Variants in SEC11A observed in about 807,000 individuals in gnomAD.
SEC11A encodes SEC11 homolog A, signal peptidase complex subunit.
In SEC11A, 14 loss-of-function variants were observed where a neutral mutation model predicts 25.6. That is an observed-to-expected ratio of 0.55 (90% CI 0.36 to 0.85). The LOEUF (loss-of-function observed/expected upper bound fraction) is 0.85. Ranked by LOEUF, SEC11A falls within the 40% of genes least tolerant of loss-of-function variation. The pLI is 0.01. For missense variants in SEC11A, 153 were observed against 222.9 expected (o/e 0.69, Z 2.00); for synonymous variants, 83 against 76.4 (o/e 1.09, Z -0.45).
intron 1 of SEC11A, among the ~76,000 whole-genome samples, chr15:84,715,283 A>G (rs1161574620): frequency 1.3e-5 from 2 of 152,242 alleles, no homozygotes; most frequent in Non-Finnish European, 2.9e-5. Flanking sequence ...ATAAAACAGA[A>G]CAACCTTTTC....
chr15:84,685,868 T>G (rs1344171958), intron 3 of SEC11A: 1 of 145,806 alleles, frequency 6.9e-6, no homozygotes, highest in Non-Finnish European at 1.5e-5. Context: ...AGTGGCGTGA[T>G]CTCAGCTCAC....
At chr15:84,670,302 T>C (rs1412080744) in intron 5 of SEC11A, 4 of 363,400 alleles carry the variant, frequency 1.1e-5, no homozygotes, top group Admixed American at 8.8e-5. Flanking sequence ...TCACCCAGGC[T>C]GGAGTGCAGC....
intron 1 of SEC11A, among the ~76,000 whole-genome samples, chr15:84,709,366 T>C (rs1173880019): frequency 6.6e-6 from 1 of 151,954 alleles, no homozygotes; most frequent in South Asian, 2.1e-4. Flanking sequence ...TAATTAAAAA[T>C]AGAATGTTTA....
chr15:84,707,335 G>A (rs1441470750), intron 1 of SEC11A, among the ~76,000 whole-genome samples: 2 of 151,770 alleles, frequency 1.3e-5, no homozygotes, highest in Non-Finnish European at 2.9e-5. Context: ...ACAGGCATGC[G>A]CCACCAGGCT....
chr15:84,685,327 G>A (rs1251359532), intron 3 of SEC11A, among the ~76,000 whole-genome samples: 3 of 151,418 alleles, frequency 2.0e-5, no homozygotes, highest in African/African-American at 2.4e-5. Context: ...GCATGATCTC[G>A]GCTCACTGCA....
chr15:84,700,600 A>C (rs1286940183), intron 1 of SEC11A, among the ~76,000 whole-genome samples: 1 of 19,338 alleles, frequency 5.2e-5, no homozygotes, highest in East Asian at 6.1e-4. Flanking sequence ...TCTCAAAAAA[A>C]AAAAAAAAAA....
chr15:84,679,374 C>T, intron 4 of SEC11A: 2 of 448,104 alleles, frequency 4.5e-6, no homozygotes, highest in Admixed American at 5.0e-5. Flanking sequence ...ATAACAACCA[C>T]AGCTCTGCAG....
At chr15:84,714,214 CCATGTTGGCCAGGATGGTCT>C (rs1898385531) in intron 1 of SEC11A, among the ~76,000 whole-genome samples, 1 of 152,076 alleles carries the variant, frequency 6.6e-6, no homozygotes, top group African/African-American at 2.4e-5. Context: ...GGGGGTTTCA[CCATGTTGGCCAGGATGGTCT>C]CAATCTCTTG....
chr15:84,678,198 T>C (rs1897191934), intron 4 of SEC11A, among the ~76,000 whole-genome samples: 3 of 150,374 alleles, frequency 2.0e-5, no homozygotes, highest in East Asian at 2.0e-4. Flanking sequence ...CTCTCCAGCC[T>C]GGGCAAAAGA....
rs978341589 is a variant in SEC11A, at chr15:84,679,980, C to A, written c.431+733G>T. 5 of 1,515,288 alleles carry A rather than the reference C, an allele frequency of 3.3e-6. No homozygotes were observed. In the African/African-American group the frequency reaches 6.9e-5, roughly 21 times the overall value. The allele number at this position is 1,515,288 out of a possible 1,614,324, so 93.9% of individuals were successfully genotyped here. ...TTCTCCTGATAAAATCTGAAACAAA[C>A]AGGCTTAATATAACTTTTTAATTTC... On this transcript the variant is annotated intron_variant, in intron 4 of 5. Transcript: ENST00000268220.
chr15:84,695,518 G>A (rs1453262384), intron 1 of SEC11A, among the ~76,000 whole-genome samples: 1 of 151,808 alleles, frequency 6.6e-6, no homozygotes, highest in South Asian at 2.1e-4. Context: ...TGTAGTCCCA[G>A]CTCCTTGGAG....
chr15:84,693,971 C>A (rs1897683982), intron 1 of SEC11A, among the ~76,000 whole-genome samples: 1 of 152,072 alleles, frequency 6.6e-6, no homozygotes, highest in African/African-American at 2.4e-5. Context: ...GGCCAAAATG[C>A]TAATAATTGT....
At chr15:84,695,766 C>T (rs930087893) in intron 1 of SEC11A, among the ~76,000 whole-genome samples, 5 of 152,122 alleles carry the variant, frequency 3.3e-5, no homozygotes, top group Non-Finnish European at 7.4e-5. Flanking sequence ...TTGATCTTAG[C>T]CAAAAGGCCG....
intron 1 of SEC11A, among the ~76,000 whole-genome samples, chr15:84,710,537 T>C (rs1177316099): frequency 1.3e-5 from 2 of 152,130 alleles, no homozygotes; most frequent in Admixed American, 1.3e-4. Context: ...CTCTGGAGGC[T>C]GTGGCAGGGG....
intron 1 of SEC11A, among the ~76,000 whole-genome samples, chr15:84,693,347 CAA>C (rs373482336): frequency 4.2e-5 from 5 of 118,412 alleles, no homozygotes; most frequent in Admixed American, 1.7e-4. Flanking sequence ...GATCTTGGTT[CAA>C]AAAAAAAAAA....
rs147216095 is a variant in SEC11A, at chr15:84,703,438, C to T, written c.52-11794G>A. 6.4e-3 allele frequency among the ~76,000 whole-genome samples: 975 copies of T among 152,332 alleles called. 8 individuals carry two copies. Among genetic ancestry groups the T allele is most frequent in the Non-Finnish European group, 0.011 (716 of 68,026 alleles). The stretch of plus-strand genomic sequence containing the variant: ...AACGATGCTACCCTGCTTCCTCTCT[C>T]ATCTTGCATTTACTGCCTCATGAGG... On this transcript the variant is annotated intron_variant, in intron 1 of 5. Transcript: ENST00000268220.
chr15:84,674,226 T>C (rs1897076684), intron 4 of SEC11A, among the ~76,000 whole-genome samples: 1 of 150,496 alleles, frequency 6.6e-6, no homozygotes, highest in Non-Finnish European at 1.5e-5. Context: ...TATTTATATA[T>C]ATATATTATT....
intron 1 of SEC11A, among the ~76,000 whole-genome samples, chr15:84,696,385 A>G (rs1159814517): frequency 6.6e-6 from 1 of 152,222 alleles, no homozygotes; most frequent in Non-Finnish European, 1.5e-5. Context: ...CTAGCTTCTA[A>G]GACACAATTA....
At chr15:84,673,640 G>A (rs1897060101) in intron 4 of SEC11A, 3 of 153,426 alleles carry the variant, frequency 2.0e-5, no homozygotes, top group South Asian at 4.1e-4. Flanking sequence ...GCTGGGCACG[G>A]TGGCTCACGC....
Sources: allele counts gnomAD v4.1 joint callset (sites outside exome capture counted in the v4.1 genomes callset), GRCh38; gene constraint gnomAD v4.1.1; transcripts MANE v1.5; gene names NCBI Gene and HGNC (gene_info 2026-07-23, HGNC 2026-07-21).